The following ANKEF1 variants were observed in gnomAD, a reference collection of about 807,000 sequenced individuals.
ANKEF1 encodes ankyrin repeat and EF-hand domain-containing protein 1.
A neutral mutation model predicts 65.1 loss-of-function variants in ANKEF1; 43 were observed. The observed-to-expected ratio is 0.66, with a 90% CI of 0.52 to 0.85. ANKEF1 has a LOEUF of 0.85. ANKEF1 is among the 40% of genes least tolerant of loss of function. The pLI is 0.00. For synonymous variants in ANKEF1, 316 were observed against 341.5 expected (o/e 0.93, Z 0.82); for missense variants, 934 against 952.9 (o/e 0.98, Z 0.26).
rs528448719 is a variant in ANKEF1, at chr20:10,037,253, T to A, written c.-44-1005T>A. Among the ~76,000 whole-genome samples the A allele has an allele frequency of 2.6e-5, 4 of 152,222 alleles. No homozygotes were observed. The South Asian group carries it at 6.2e-4, about 24-fold the overall frequency. The stretch of plus-strand genomic sequence containing the variant: ...GTAGATGGCTTCTGGCACCATGGAA[T>A]CCATGTTGCAACTAATGCCATCAAT... On this transcript the variant is annotated intron_variant, in intron 2 of 10. Transcript: ENST00000378392.
rs199981853 is a variant in ANKEF1 at position 10,049,947 on chromosome 20, A to G, written c.1378A>G (p.Lys460Glu). 1.1e-4 allele frequency: 178 copies of G among 1,614,202 alleles called. 1 individual carries two copies. The East Asian group carries it at 3.6e-3, about 33-fold the overall frequency. ...GPPYYMIETY[K>E]NVTDSSRFNR... ...ACCGTATTACATGATTGAGACCTAC[A>G]AGAATGTCACTGATAGCAGCCGGTT... The change falls in exon 7 of 11, where the codon AAG (lysine) becomes GAG (glutamate). Residue 460 changes from lysine (K) to glutamate (E), a missense_variant. By Grantham distance (56) the Lys-to-Glu change is moderately conservative (BLOSUM62 1). Coordinates refer to ENST00000378392, the MANE Select transcript of ANKEF1 (RefSeq NM_022096.6).
intron 6 of ANKEF1, among the ~76,000 whole-genome samples, chr20:10,047,060 A>G (rs775389147): frequency 6.6e-6 from 1 of 152,222 alleles, no homozygotes; most frequent in African/African-American, 2.4e-5. Flanking sequence ...ATTTCTAAAA[A>G]CTAAAGATCC....
At chr20:10,036,332 C>T (rs887312762) in intron 2 of ANKEF1, among the ~76,000 whole-genome samples, 8 of 151,694 alleles carry the variant, frequency 5.3e-5, no homozygotes, top group Non-Finnish European at 8.8e-5. Context: ...CTAATCATTA[C>T]CTATGTAGGA....
chr20:10,046,139 G>A (rs966152877), intron 6 of ANKEF1, among the ~76,000 whole-genome samples: 2 of 152,052 alleles, frequency 1.3e-5, no homozygotes, highest in Admixed American at 1.3e-4. Context: ...GCCAGGGGTG[G>A]TGACGGCGCC....
rs771197219 is a variant in ANKEF1, at chr20:10,038,508, C to A, written c.207C>A (p.Asp69Glu). The change falls in exon 3 of 11, where the codon GAC becomes GAA. Residue 69 changes from aspartate to glutamate, a missense_variant. Physicochemically the swap from Asp to Glu is conservative, Grantham distance 45. Coordinates refer to ENST00000378392, the MANE Select transcript of ANKEF1 (RefSeq NM_022096.6). ...NDIDMVSFLLDLGAHPDVQDR... is the reference protein window; with the variant it reads ...NDIDMVSFLLELGAHPDVQDR... ...TTGATATGGTCAGCTTTCTCCTTGA[C>A]CTTGGTGCTCACCCTGATGTGCAAG... The A allele has an allele frequency of 6.2e-7, 1 of 1,614,214 alleles. No individual in the cohort carries two copies. Among genetic ancestry groups the A allele is most frequent in the South Asian group, 1.1e-5 (1 of 91,084 alleles).
Position 10,056,496 on chromosome 20 carries a change from T to TGATTGATA in ANKEF1, c.*839_*840insTGATAGAT, listed in dbSNP as rs1555773775. On this transcript the variant is annotated 3_prime_UTR_variant, in exon 11 of 11. Coordinates refer to ENST00000378392, the MANE Select transcript of ANKEF1 (RefSeq NM_022096.6). ...GATAGATGATAGATAGATAGATAGA[T>TGATTGATA]GATAGATAGATAGATAGATAGATAG... The TGATTGATA allele has an allele frequency of 5.6e-4, 81 of 143,714 alleles. No homozygotes were observed. Among genetic ancestry groups the TGATTGATA allele is most frequent in the Non-Finnish European group, 1.1e-3 (74 of 66,172 alleles). The allele number at this position is 143,714 out of a possible 1,614,324, so 8.9% of individuals were successfully genotyped here.
At chr20:10,055,467 A>G (rs1568518924) in intron 10 of ANKEF1, 35 bp from the exon 11 acceptor site, 2 of 1,606,948 alleles carry the variant, frequency 1.2e-6, no homozygotes, top group Non-Finnish European at 1.7e-6. Flanking sequence ...TGTCATACTC[A>G]TACCTGCTGG....
At chr20:10,037,661 G>A (rs185113921) in intron 2 of ANKEF1, among the ~76,000 whole-genome samples, 8 of 152,196 alleles carry the variant, frequency 5.3e-5, no homozygotes, top group Middle Eastern at 3.4e-3. Flanking sequence ...AAGATTTTCC[G>A]TACAAGGAGG....
rs752401938 is a variant in ANKEF1, at chr20:10,049,403, A to T, written c.834A>T (p.Lys278Asn). Reference protein sequence around the residue: ...KYIAQRGCDLKWKNLDHKTPR... With the variant: ...KYIAQRGCDLNWKNLDHKTPR... ...TTTATGTTTTAGGATGTGACCTGAA[A>T]TGGAAGAATTTAGATCATAAAACGC... The change falls in exon 7 of 11, where the codon AAA becomes AAT. Residue 278 changes from lysine (K) to asparagine (N), a missense_variant. Transcript: ENST00000378392. The T allele has an allele frequency of 6.2e-7, 1 of 1,610,268 alleles. No individual in the cohort carries two copies. The highest frequency in any genetic ancestry group is 1.3e-5 in the African/African-American group (1 of 74,492).
Position 10,038,504 on chromosome 20 carries a change from T to G in ANKEF1, c.203T>G (p.Leu68Arg). 6.2e-7 allele frequency: 1 copy of G among 1,614,254 alleles called. No individual in the cohort carries two copies. Among genetic ancestry groups the G allele is most frequent in the Non-Finnish European group, 8.5e-7 (1 of 1,180,038 alleles). ...SNDIDMVSFL[L>R]DLGAHPDVQD... ...GATATTGATATGGTCAGCTTTCTCC[T>G]TGACCTTGGTGCTCACCCTGATGTG... The change falls in exon 3 of 11, where the codon CTT becomes CGT. Residue 68 changes from leucine to arginine, a missense_variant. Leu to Arg is a moderately radical substitution (Grantham distance 102). Transcript: ENST00000378392.
chr20:10,043,159 T>C lies in ANKEF1; in HGVS notation c.384T>C (p.His128=), dbSNP rs138217597. The part of the protein sequence containing the change: ...LFYCILPTKR[H]YRCALIALEH... ...ACTGCATTTTACCGACTAAGCGGCA[T>C]TATCGCTGTGCTCTGATCGCCCTTG... is the stretch of plus-strand genomic sequence containing the variant. The change falls in exon 4 of 11, where the codon CAT becomes CAC. Residue 128 remains histidine (H), a synonymous_variant. Coordinates refer to ENST00000378392, the MANE Select transcript of ANKEF1 (RefSeq NM_022096.6). 5 of 1,614,100 alleles carry C rather than the reference T, an allele frequency of 3.1e-6. No homozygotes were observed. Among genetic ancestry groups the C allele is most frequent in the Non-Finnish European group, 4.2e-6 (5 of 1,180,040 alleles).
At chr20:10,045,473 G>T in intron 5 of ANKEF1, 101 bp from the exon 6 acceptor site, 1 of 1,160,384 alleles carries the variant, frequency 8.6e-7, no homozygotes, top group East Asian at 2.4e-5. Flanking sequence ...GTCATACGTG[G>T]CTAATTGATA....
In ANKEF1 at chr20:10,043,102, G is replaced by T. The variant is rs41275626; in HGVS notation, c.347-20G>T. The T allele has an allele frequency of 1.2e-3, 1,961 of 1,608,668 alleles. 2 individuals are homozygous for T. Among genetic ancestry groups the T allele is most frequent in the Admixed American group, 1.9e-3 (112 of 59,808 alleles). ...ATGTATAGATGTTAAATACTCTCTG[G>T]GGATTTTATTTCTCTGCAGGTGTTT... is the stretch of plus-strand genomic sequence containing the variant. On this transcript the variant is annotated intron_variant, in intron 3 of 10. Transcript: ENST00000378392.
chr20:10,050,657 T>C (rs1188006771), intron 7 of ANKEF1, among the ~76,000 whole-genome samples: 2 of 152,242 alleles, frequency 1.3e-5, no homozygotes, highest in Non-Finnish European at 2.9e-5. Flanking sequence ...ATAGCAATTA[T>C]GCATGAAGTG....
intron 6 of ANKEF1, among the ~76,000 whole-genome samples, chr20:10,047,802 C>G (rs1984604665): frequency 6.6e-6 from 1 of 152,184 alleles, no homozygotes; most frequent in South Asian, 2.1e-4. Context: ...AAGGAGGAGA[C>G]AGAAAGCTCC....
intron 8 of ANKEF1, among the ~76,000 whole-genome samples, chr20:10,052,359 A>G (rs1984912841): frequency 6.6e-6 from 1 of 152,286 alleles, no homozygotes; most frequent in Middle Eastern, 3.4e-3. Flanking sequence ...TTAATTACTA[A>G]TAATTGCATA....
chr20:10,050,774 T>TCTAGAGACTA (rs1245612603), intron 7 of ANKEF1, among the ~76,000 whole-genome samples: 5 of 152,170 alleles, frequency 3.3e-5, no homozygotes, highest in African/African-American at 4.8e-5. Context: ...ACCTAGATGG[T>TCTAGAGACTA]GTGGAGTCAC....
At chr20:10,052,995 C>G in intron 8 of ANKEF1, 117 bp from the exon 9 acceptor site, 1 of 1,024,598 alleles carries the variant, frequency 9.8e-7, no homozygotes, top group East Asian at 2.5e-5. Flanking sequence ...ATACCCCTTG[C>G]TTTAGGAATC....
Position 10,058,259 on chromosome 20 carries a change from C to T in ANKEF1, c.*2599C>T, listed in dbSNP as rs1371106697. 1.3e-5 allele frequency: 2 copies of T among 152,154 alleles called. No homozygotes were observed. Among genetic ancestry groups the T allele is most frequent in the Non-Finnish European group, 2.9e-5 (2 of 68,014 alleles). The allele number at this position is 152,154 out of a possible 1,614,324, so 9.4% of individuals were successfully genotyped here. ...GTTGAGTTCAATTGTTGTCTTTTCT[C>T]AAGCTTACTTTATTGCACAAATACA... On this transcript the variant is annotated 3_prime_UTR_variant, in exon 11 of 11. Coordinates refer to ENST00000378392, the MANE Select transcript of ANKEF1 (RefSeq NM_022096.6).
Sources: allele counts gnomAD v4.1 joint callset (sites outside exome capture counted in the v4.1 genomes callset), GRCh38; gene constraint gnomAD v4.1.1; transcripts MANE v1.5; gene names NCBI Gene and HGNC (gene_info 2026-07-23, HGNC 2026-07-21).